The following XKR4 variants were observed in gnomAD, a reference collection of about 807,000 sequenced individuals.
The protein encoded by XKR4 is XK related 4.
A neutral mutation model predicts 53.9 loss-of-function variants in XKR4; 12 were observed. The ratio of observed to expected loss-of-function variants is 0.22; its 90% CI spans 0.14 to 0.36. XKR4 has a LOEUF of 0.36. XKR4 is among the 10% of genes least tolerant of loss of function. The probability of loss-of-function intolerance (pLI) is 1.00; values close to 1 mark genes in which losing one functional copy is unlikely to be tolerated. For missense variants in XKR4, 799 were observed against 859.5 expected, an observed-to-expected ratio of 0.93 and a Z score of 0.88; for synonymous variants, 354 against 362.4, an observed-to-expected ratio of 0.98 and a Z score of 0.26.
At chr8:55,231,228 T>A (rs1430109720) in intron 1 of XKR4, among the ~76,000 whole-genome samples, 2 of 152,226 alleles carry the variant, frequency 1.3e-5, no homozygotes, top group Non-Finnish European at 2.9e-5. Context: ...GCATTTATCA[T>A]CTGAATATGA....
intron 1 of XKR4, among the ~76,000 whole-genome samples, chr8:55,258,557 C>T (rs1481661227): frequency 6.6e-6 from 1 of 152,174 alleles, no homozygotes; most frequent in Non-Finnish European, 1.5e-5. Context: ...CAATGTCCAC[C>T]TCACAGAGCT....
intron 1 of XKR4, among the ~76,000 whole-genome samples, chr8:55,166,177 C>T (rs1788454363): frequency 6.6e-6 from 1 of 152,128 alleles, no homozygotes; most frequent in Non-Finnish European, 1.5e-5. Context: ...ATTAAATCAG[C>T]AATAAAAAAT....
At chr8:55,281,782 AT>A (rs1055943639) in intron 1 of XKR4, among the ~76,000 whole-genome samples, 10 of 152,254 alleles carry the variant, frequency 6.6e-5, no homozygotes, top group South Asian at 2.1e-4. Context: ...CCTTAGTATG[AT>A]TTTTTCCCCC....
chr8:55,349,864 GA>G (rs1303440250), intron 1 of XKR4, among the ~76,000 whole-genome samples: 2 of 152,078 alleles, frequency 1.3e-5, no homozygotes, highest in Non-Finnish European at 1.5e-5. Flanking sequence ...TAAAAAATAT[GA>G]AAGCTATTTC....
chr8:55,460,435 A>C (rs962086948), intron 2 of XKR4, among the ~76,000 whole-genome samples: 1 of 152,246 alleles, frequency 6.6e-6, no homozygotes. Flanking sequence ...TTATGCATCA[A>C]TAAGGCTGTT....
chr8:55,352,101 T>A (rs1803732248), intron 1 of XKR4, among the ~76,000 whole-genome samples: 1 of 152,240 alleles, frequency 6.6e-6, no homozygotes, highest in South Asian at 2.1e-4. Context: ...CACAGATGAA[T>A]ACATACAAAA....
At chr8:55,412,034 G>T (rs1161056740) in intron 2 of XKR4, among the ~76,000 whole-genome samples, 1 of 152,196 alleles carries the variant, frequency 6.6e-6, no homozygotes, top group Admixed American at 6.5e-5. Flanking sequence ...TATGGCAGTT[G>T]AAAATTTCAT....
intron 1 of XKR4, among the ~76,000 whole-genome samples, chr8:55,226,611 C>T (rs1817956003): frequency 6.6e-6 from 1 of 152,032 alleles, no homozygotes; most frequent in Non-Finnish European, 1.5e-5. Context: ...CTTAGAACTC[C>T]TGAGGTCCAA....
intron 2 of XKR4, among the ~76,000 whole-genome samples, chr8:55,475,649 G>A (rs1052173084): frequency 6.6e-6 from 1 of 151,298 alleles, no homozygotes; most frequent in Non-Finnish European, 1.5e-5. Context: ...TGTTATCTAG[G>A]CTGGAGTGCA....
intron 1 of XKR4, among the ~76,000 whole-genome samples, chr8:55,119,608 G>A (rs556252337): frequency 6.6e-6 from 1 of 152,064 alleles, no homozygotes; most frequent in Admixed American, 6.5e-5. Context: ...TGAGTGTCAG[G>A]GGAGGCTCAC....
chr8:55,253,609 G>A (rs1818390959), intron 1 of XKR4, among the ~76,000 whole-genome samples: 1 of 152,146 alleles, frequency 6.6e-6, no homozygotes, highest in Non-Finnish European at 1.5e-5. Context: ...CTTTAATGCA[G>A]GCAGCAAGTC....
chr8:55,352,924 G>A (rs1803746440), intron 1 of XKR4, among the ~76,000 whole-genome samples: 1 of 152,188 alleles, frequency 6.6e-6, no homozygotes, highest in Admixed American at 6.5e-5. Context: ...TAGCTTAATG[G>A]ATGGACAACT....
At chr8:55,480,380 T>C (rs1020033365) in intron 2 of XKR4, among the ~76,000 whole-genome samples, 6 of 152,316 alleles carry the variant, frequency 3.9e-5, no homozygotes, top group Middle Eastern at 3.4e-3. Context: ...CTCAATTAAT[T>C]AGGTATTGTT....
chr8:55,463,388 C>A (rs9772678), intron 2 of XKR4, among the ~76,000 whole-genome samples: 1 of 150,366 alleles, frequency 6.7e-6, no homozygotes, highest in South Asian at 2.1e-4. Flanking sequence ...GGGTACATAA[C>A]GAAATGAAGG....
chr8:55,427,795 G>A (rs1295258948), intron 2 of XKR4, among the ~76,000 whole-genome samples: 1 of 152,132 alleles, frequency 6.6e-6, no homozygotes, highest in East Asian at 1.9e-4. Context: ...TATATCATTT[G>A]TTTATTTATC....
chr8:55,514,130 C>A (rs1005716878), intron 2 of XKR4, among the ~76,000 whole-genome samples: 1 of 152,170 alleles, frequency 6.6e-6, no homozygotes, highest in African/African-American at 2.4e-5. Flanking sequence ...CTTCTCTAAT[C>A]CTCAGTTTTT....
At chr8:55,192,696 C>T (rs779676168) in intron 1 of XKR4, among the ~76,000 whole-genome samples, 3 of 152,076 alleles carry the variant, frequency 2.0e-5, no homozygotes, top group Non-Finnish European at 4.4e-5. Context: ...AGCAGTGATT[C>T]CTCTGTCCAT....
At chr8:55,268,444 T>C (rs1243155796) in intron 1 of XKR4, among the ~76,000 whole-genome samples, 1 of 152,202 alleles carries the variant, frequency 6.6e-6, no homozygotes, top group East Asian at 1.9e-4. Flanking sequence ...CAACTGATGT[T>C]GATACTGCTA....
intron 2 of XKR4, among the ~76,000 whole-genome samples, chr8:55,361,747 G>C (rs1415484883): frequency 1.3e-5 from 2 of 152,052 alleles, no homozygotes; most frequent in African/African-American, 2.4e-5. Flanking sequence ...ATTAGTCACT[G>C]CTCTGCAACC....
Sources: allele counts gnomAD v4.1 joint callset (sites outside exome capture counted in the v4.1 genomes callset), GRCh38; gene constraint gnomAD v4.1.1; transcripts MANE v1.5; gene names NCBI Gene and HGNC (gene_info 2026-07-23, HGNC 2026-07-21).